The following TANC1 variants were observed in gnomAD, a reference collection of about 807,000 sequenced individuals.
TANC1 encodes tetratricopeptide repeat, ankyrin repeat and coiled-coil containing 1.
Under a neutral mutation model 149.7 loss-of-function variants are expected in TANC1, and 77 were observed. The ratio of observed to expected loss-of-function variants is 0.51; its 90% CI spans 0.43 to 0.62. TANC1 has a LOEUF of 0.62. TANC1 is among the 20% of genes least tolerant of loss of function. TANC1 has a pLI of 0.00. For missense variants in TANC1, 1,985 were observed against 2,321.8 expected, an observed-to-expected ratio of 0.85 and a Z score of 2.98; for synonymous variants, 854 against 925.0, an observed-to-expected ratio of 0.92 and a Z score of 1.39.
chr2:159,180,346 T>A (rs1252767881), intron 14 of TANC1, among the ~76,000 whole-genome samples: 2 of 152,222 alleles, frequency 1.3e-5, no homozygotes, highest in Non-Finnish European at 2.9e-5. Context: ...CTAGGAAGAT[T>A]GACTATAGCT....
intron 4 of TANC1, among the ~76,000 whole-genome samples, chr2:159,124,160 C>G (rs1270521284): frequency 6.6e-6 from 1 of 152,028 alleles, no homozygotes; most frequent in Admixed American, 6.5e-5. Context: ...GTGTTCGAGA[C>G]CAGCCTGGCC....
chr2:159,211,338 A>G (rs2058969430), intron 19 of TANC1, among the ~76,000 whole-genome samples: 1 of 152,274 alleles, frequency 6.6e-6, no homozygotes, highest in South Asian at 2.1e-4. Flanking sequence ...AGTCCTAAAA[A>G]GTGCCATCTG....
chr2:159,048,456 T>A (rs2041234204), intron 2 of TANC1, among the ~76,000 whole-genome samples: 1 of 152,068 alleles, frequency 6.6e-6, no homozygotes, highest in Admixed American at 6.6e-5. Context: ...CTCAGAGGGT[T>A]TTTATGAGGA....
intron 19 of TANC1, among the ~76,000 whole-genome samples, chr2:159,204,943 G>T (rs1194162593): frequency 6.6e-6 from 1 of 152,184 alleles, no homozygotes; most frequent in Admixed American, 6.5e-5. Flanking sequence ...CTTGGCATGT[G>T]TGCTCACCGT....
chr2:159,186,934 C>T lies in TANC1; in HGVS notation c.2652C>T (p.Ser884=), dbSNP rs758676135. 1.2e-6 allele frequency: 2 copies of T among 1,614,200 alleles called. No homozygotes were observed. Among genetic ancestry groups the T allele is most frequent in the Non-Finnish European group, 1.7e-6 (2 of 1,180,036 alleles). ...GLSKKTGISS[S]HLQALWIGYS... is the part of the protein sequence containing the mutation. ...GTAAGAAGACGGGAATTTCTTCAAG[C>T]CATCTCCAAGCCCTGTGGATCGGCT... Residue 884 remains serine, a synonymous_variant, in exon 16 of 27, where the codon AGC becomes AGT. Coordinates refer to ENST00000263635, the MANE Select transcript of TANC1 (RefSeq NM_033394.3).
At chr2:158,984,859 C>T (rs1476150305) in intron 1 of TANC1, among the ~76,000 whole-genome samples, 2 of 152,154 alleles carry the variant, frequency 1.3e-5, no homozygotes, top group Non-Finnish European at 2.9e-5. Flanking sequence ...GTTACTAGAA[C>T]GGACGGTGCT....
chr2:159,213,314 G>C (rs1009801850), intron 19 of TANC1, among the ~76,000 whole-genome samples: 13 of 152,034 alleles, frequency 8.6e-5, no homozygotes, highest in African/African-American at 3.1e-4. Context: ...AGACTACAGC[G>C]AGAATTCCTG....
chr2:159,093,862 C>T (rs1045842020), intron 3 of TANC1, among the ~76,000 whole-genome samples: 4 of 152,058 alleles, frequency 2.6e-5, no homozygotes, highest in Admixed American at 2.0e-4. Context: ...AACTCATCTG[C>T]ACCACATTTG....
chr2:159,191,525 C>T (rs10191093), intron 16 of TANC1, among the ~76,000 whole-genome samples: 7,646 of 152,078 alleles, frequency 0.05, 324 homozygotes, highest in African/African-American at 0.11. Flanking sequence ...TGTCACAGCA[C>T]GTGTTGGGTC....
intron 3 of TANC1, among the ~76,000 whole-genome samples, chr2:159,092,618 T>A (rs1013885408): frequency 1.3e-5 from 2 of 152,236 alleles, no homozygotes; most frequent in African/African-American, 2.4e-5. Context: ...GTATATATTT[T>A]TATTTATTAC....
intron 5 of TANC1, among the ~76,000 whole-genome samples, chr2:159,143,062 C>CAAAAAAAA (rs70994269): frequency 3.4e-5 from 3 of 87,328 alleles, no homozygotes; most frequent in Non-Finnish European, 6.0e-5. Flanking sequence ...GACTCTGTCT[C>CAAAAAAAA]AAAAAAAAAA....
intron 1 of TANC1, among the ~76,000 whole-genome samples, chr2:158,983,468 C>CAAAAAAAAAAAAAAAAAAAAAAAAAAA (rs35472970): frequency 5.6e-5 from 5 of 88,804 alleles, no homozygotes; most frequent in African/African-American, 1.8e-4. Context: ...CTCCGTCTCC[C>CAAAAAAAAAAAAAAAAAAAAAAAAAAA]AAAAAAAAAA....
At chr2:159,008,974 G>C (rs919981615) in intron 2 of TANC1, among the ~76,000 whole-genome samples, 2 of 152,114 alleles carry the variant, frequency 1.3e-5, no homozygotes, top group African/African-American at 4.8e-5. Context: ...GGGGTAAGCT[G>C]ATCATTCTTA....
intron 4 of TANC1, among the ~76,000 whole-genome samples, chr2:159,124,916 A>AT (rs888208446): frequency 7.7e-6 from 1 of 130,112 alleles, no homozygotes; most frequent in African/African-American, 3.0e-5. Flanking sequence ...TAATTTTTGT[A>AT]TTTTTTTGTA....
rs142375253 is a variant in TANC1 at position 159,154,466 on chromosome 2, T to C, written c.682+3910T>C. Among the ~76,000 whole-genome samples, 546 of 152,228 alleles carry C rather than the reference T, an allele frequency of 3.6e-3. 4 individuals carry two copies. The highest frequency in any genetic ancestry group is 0.012 in the African/African-American group (492 of 41,534). ...CCTGCATGTGTTCTGTTTCCACTGC[T>C]TAGGAGGAGAAAGGGCAGGCTAGTA... is the stretch of plus-strand genomic sequence containing the variant. On this transcript the variant is annotated intron_variant, in intron 7 of 26. Transcript: ENST00000263635.
At chr2:159,091,783 G>GA (rs571737703) in intron 3 of TANC1, among the ~76,000 whole-genome samples, 290 of 152,298 alleles carry the variant, frequency 1.9e-3, no homozygotes, top group African/African-American at 6.5e-3. Context: ...ATGATTGTCT[G>GA]AATAAAGTTT....
At chr2:159,058,365 C>T (rs1393439582) in intron 2 of TANC1, among the ~76,000 whole-genome samples, 2 of 152,260 alleles carry the variant, frequency 1.3e-5, no homozygotes, top group East Asian at 1.9e-4. Flanking sequence ...TACTTGGTAC[C>T]AGAATTCTTA....
intron 3 of TANC1, among the ~76,000 whole-genome samples, chr2:159,081,430 T>C (rs377097731): frequency 6.6e-6 from 1 of 151,960 alleles, no homozygotes; most frequent in South Asian, 2.1e-4. Flanking sequence ...AAAGGCTGGC[T>C]GTGGGTGTCT....
At position 159,196,628 on chromosome 2, in the gene TANC1, G is replaced by A. The variant is rs565672082; in HGVS notation, c.3000G>A (p.Lys1000=). The change falls in exon 18 of 27, where the codon AAG becomes AAA. Residue 1000 remains lysine (K), a synonymous_variant. Transcript: ENST00000263635. ...KGVRVDHLDK[K]GQCALVHSAL... ...CCCAGGTGGACCACTTGGATAAGAA[G>A]GGCCAGTGTGCGCTTGTCCACAGTG... The A allele has an allele frequency of 1.3e-5, 21 of 1,604,312 alleles. No homozygotes were observed. Among genetic ancestry groups the A allele is most frequent in the South Asian group, 9.9e-5 (9 of 90,594 alleles).
Sources: allele counts gnomAD v4.1 joint callset (sites outside exome capture counted in the v4.1 genomes callset), GRCh38; gene constraint gnomAD v4.1.1; transcripts MANE v1.5; gene names NCBI Gene and HGNC (gene_info 2026-07-23, HGNC 2026-07-21).